The following GLI4 variants were observed in gnomAD, a reference collection of about 807,000 sequenced individuals.
The protein encoded by GLI4 is zinc finger protein GLI4.
GLI4 carries 34 observed loss-of-function variants against 30.9 expected under a neutral mutation model. That is an observed-to-expected ratio of 1.10 (90% CI 0.84 to 1.47). GLI4 has a LOEUF of 1.47. Ranked by LOEUF, GLI4 falls within the 40% of genes most tolerant of loss-of-function variation. The pLI is 0.00. For synonymous variants in GLI4, 277 were observed against 236.7 expected (o/e 1.17, Z -1.56); for missense variants, 696 against 538.9 (o/e 1.29, Z -2.89).
rs555524897 is a variant in GLI4, at chr8:143,276,027, G to A, written c.354G>A (p.Gly118=). The change falls in exon 4 of 4, where the codon GGG becomes GGA. Residue 118 remains glycine (G), a synonymous_variant. Transcript: ENST00000340042. ...GGGCCCGGTGCAGCGCCGGCTTCGG[G>A]CCTGAATCCAGCGCGGAGCGGCCGG... The part of the protein sequence containing the change: ...PRRARCSAGF[G]PESSAERPAG... The A allele has an allele frequency of 2.1e-6, 3 of 1,400,126 alleles. No individual in the cohort carries two copies. 86.7% of individuals were successfully genotyped at this position (1,400,126 alleles called of 1,614,324 possible). A position where few individuals can be genotyped will look rare whatever the true frequency, so the allele number is the denominator to read the frequency against.
rs762396520 is a variant in GLI4, at chr8:143,274,679, G to A, written c.125-25G>A. The A allele has an allele frequency of 5.9e-6, 9 of 1,535,770 alleles. 1 individual carries two copies. The South Asian group carries it at 9.6e-5, about 16-fold the overall frequency. ...AGGCAGTGGTCCAGAGGGTGGAGGT[G>A]AGCCCCAGCCTCCCTGACCCCCAGG... On this transcript the variant is annotated intron_variant, in intron 2 of 3. Coordinates refer to ENST00000340042, the MANE Select transcript of GLI4 (RefSeq NM_138465.4).
In GLI4 at chr8:143,274,701, C is replaced by G. The variant is rs1015634865; in HGVS notation, c.125-3C>G. 95 of 1,550,876 alleles carry G rather than the reference C, an allele frequency of 6.1e-5. No individual in the cohort carries two copies. Among genetic ancestry groups the G allele is most frequent in the Non-Finnish European group, 8.1e-5 (93 of 1,144,782 alleles). ...GGTGAGCCCCAGCCTCCCTGACCCC[C>G]AGGCTCCCCTGGCTCCAGCCCTAAG... On this transcript the variant is annotated splice_region_variant and splice_polypyrimidine_tract_variant and intron_variant, in intron 2 of 3. Coordinates refer to ENST00000340042, the MANE Select transcript of GLI4 (RefSeq NM_138465.4).
chr8:143,271,331 G>A (rs958110038), intron 2 of GLI4, among the ~76,000 whole-genome samples: 13 of 152,158 alleles, frequency 8.5e-5, no homozygotes, highest in African/African-American at 1.4e-4. Context: ...ATAAGGGGGC[G>A]GCCTTCATCC....
chr8:143,267,790 G>C (rs757086086), intron 1 of GLI4: 1 of 985,330 alleles, frequency 1.0e-6, no homozygotes, highest in African/African-American at 1.7e-5. Context: ...ATGGGAAACT[G>C]AGGCCCGGAG....
In GLI4 at chr8:143,276,099, C is replaced by T. The variant is rs1456966999; in HGVS notation, c.426C>T (p.Ala142=). 3 of 1,426,772 alleles carry T rather than the reference C, an allele frequency of 2.1e-6. No individual in the cohort carries two copies. Among genetic ancestry groups the T allele is most frequent in the African/African-American group, 3.0e-5 (2 of 65,812 alleles). 88.4% of individuals were successfully genotyped at this position (1,426,772 alleles called of 1,614,324 possible). The change falls in exon 4 of 4, where the codon GCC becomes GCT. Residue 142 remains alanine (A), a synonymous_variant. Coordinates refer to ENST00000340042, the MANE Select transcript of GLI4 (RefSeq NM_138465.4). ...GAVPCAQPRG[A]WRVTLVQQAA... is the part of the protein sequence containing the mutation. ...TCCCTTGCGCCCAGCCGCGGGGCGC[C>T]TGGCGCGTGACGCTCGTGCAGCAAG...
Position 143,272,810 on chromosome 8 carries a change from A to G in GLI4, c.125-1894A>G, listed in dbSNP as rs930026793. ...TCCTCCCCTAGAGAAGGTCCTAGGA[A>G]GTGCTTTGCTGCCTGCACAGGGCAG... On this transcript the variant is annotated intron_variant, in intron 2 of 3. Transcript: ENST00000340042. 3.3e-5 allele frequency among the ~76,000 whole-genome samples: 5 copies of G among 152,142 alleles called. No individual in the cohort carries two copies. In the East Asian group the frequency reaches 9.6e-4, roughly 29 times the overall value.
intron 2 of GLI4, 105 bp downstream of exon 2, chr8:143,269,625 C>T: frequency 4.4e-6 from 4 of 910,440 alleles, no homozygotes; most frequent in South Asian, 1.3e-5. Context: ...TGAGAGGCGC[C>T]TCCAGACACC....
intron 1 of GLI4, 27 bp from the exon 2 acceptor site, chr8:143,269,333 A>C: frequency 5.7e-6 from 9 of 1,567,676 alleles, no homozygotes; most frequent in Non-Finnish European, 7.8e-6. Context: ...CAATCCCCTC[A>C]TCTGCCATGG....
At chr8:143,275,473 T>G in intron 3 of GLI4, 1 of 1,355,436 alleles carries the variant, frequency 7.4e-7, no homozygotes, top group Admixed American at 3.4e-5. Context: ...GGCAGCCCCA[T>G]GAGGAGCTGT....
Position 143,276,355 on chromosome 8 carries a change from C to T in GLI4, c.682C>T (p.Gln228Ter). 1 of 1,610,036 alleles carries T rather than the reference C, an allele frequency of 6.2e-7. No individual in the cohort carries two copies. Among genetic ancestry groups the T allele is most frequent in the Middle Eastern group, 1.7e-4 (1 of 6,052 alleles). The change falls in exon 4 of 4, where the codon CAG becomes TAG. Residue 228 changes from glutamine to a stop codon, truncating the protein, a stop_gained. Coordinates refer to ENST00000340042, the MANE Select transcript of GLI4 (RefSeq NM_138465.4). LOFTEE classifies it high-confidence loss of function. ...KRFRGWSGFI[Q>*]HHRIHTGEKP... The stretch of plus-strand genomic sequence containing the variant: ...CTTCCGCGGCTGGTCGGGCTTCATC[C>T]AGCACCACCGCATCCACACGGGCGA...
intron 2 of GLI4, among the ~76,000 whole-genome samples, chr8:143,270,346 C>T (rs74655314): frequency 5.3e-4 from 80 of 152,310 alleles, no homozygotes; most frequent in Admixed American, 1.6e-3. Context: ...ACAGAGAGTC[C>T]GGGGGGCTCC....
At chr8:143,272,799 A>C (rs1424400031) in intron 2 of GLI4, among the ~76,000 whole-genome samples, 2 of 152,140 alleles carry the variant, frequency 1.3e-5, no homozygotes, top group African/African-American at 2.4e-5. Context: ...CCCCTAGAGA[A>C]GGTCCTAGGA....
chr8:143,271,044 C>T (rs562749072), intron 2 of GLI4, among the ~76,000 whole-genome samples: 1 of 152,268 alleles, frequency 6.6e-6, no homozygotes, highest in South Asian at 2.1e-4. Flanking sequence ...GGCATGAGTC[C>T]CCAGCCCCAC....
rs1815347954 is a variant in GLI4 at position 143,274,783 on chromosome 8, C to T, written c.204C>T (p.Gly68=). The T allele has an allele frequency of 6.4e-7, 1 of 1,566,172 alleles. No individual in the cohort carries two copies. The highest frequency in any genetic ancestry group is 8.7e-7 in the Non-Finnish European group (1 of 1,152,984). ...AAGACGTAGAGGAAGTGGAGATCGG[C>T]AGAGACACCTTCTGGCCCGGTGAGT... ...DLQDVEEVEI[G]RDTFWPDSEP... The change falls in exon 3 of 4, where the codon GGC becomes GGT. Residue 68 remains glycine, a synonymous_variant. Coordinates refer to ENST00000340042, the MANE Select transcript of GLI4 (RefSeq NM_138465.4).
chr8:143,269,667 C>T, intron 2 of GLI4, 147 bp downstream of exon 2: 1 of 730,222 alleles, frequency 1.4e-6, no homozygotes, highest in South Asian at 1.6e-5. Context: ...CTGGGGTTCC[C>T]ACACCCTCAG....
chr8:143,267,716 C>G, intron 1 of GLI4: 1 of 985,372 alleles, frequency 1.0e-6, no homozygotes, highest in Non-Finnish European at 1.2e-6. Flanking sequence ...TAGCGGGTGT[C>G]CGTTCGCAGG....
intron 3 of GLI4, chr8:143,275,643 G>A (rs1815366492): frequency 3.2e-6 from 4 of 1,235,956 alleles, no homozygotes; most frequent in Non-Finnish European, 4.0e-6. Context: ...CGGCACGGCC[G>A]CCGTGGTGAC....
rs1251252022 is a variant in GLI4 at position 143,276,231 on chromosome 8, G to C, written c.558G>C (p.Glu186Asp). 2 of 1,600,928 alleles carry C rather than the reference G, an allele frequency of 1.2e-6. No individual in the cohort carries two copies. Among genetic ancestry groups the C allele is most frequent in the East Asian group, 2.3e-5 (1 of 43,984 alleles). The change falls in exon 4 of 4, where the codon GAG becomes GAC. Residue 186 changes from glutamate to aspartate, a missense_variant. Transcript: ENST00000340042. ...SARGAKPHRC[E>D]ACGKSFKYNS... ...GGGGGGCCAAGCCGCACAGGTGCGA[G>C]GCCTGCGGCAAGAGTTTCAAGTATA...
At chr8:143,269,592 C>A in intron 2 of GLI4, 72 bp downstream of exon 2, 1 of 1,293,144 alleles carries the variant, frequency 7.7e-7, no homozygotes, top group Non-Finnish European at 1.1e-6. Flanking sequence ...CTGTCTCCTC[C>A]TGACCTGCCA....
Sources: allele counts gnomAD v4.1 joint callset (sites outside exome capture counted in the v4.1 genomes callset), GRCh38; gene constraint gnomAD v4.1.1; transcripts MANE v1.5; gene names NCBI Gene and HGNC (gene_info 2026-07-23, HGNC 2026-07-21).